The following OTOGL variants were observed in gnomAD, a reference collection of about 807,000 sequenced individuals.
OTOGL encodes otogelin-like protein.
OTOGL carries 285 observed loss-of-function variants against 318.5 expected under a neutral mutation model. That is an observed-to-expected ratio of 0.89 (90% CI 0.81 to 0.99). The LOEUF (loss-of-function observed/expected upper bound fraction) is 0.99. Among genes scored for constraint, OTOGL ranks in the 50% least tolerant of loss-of-function variants. OTOGL has a pLI of 0.00. For synonymous variants in OTOGL, 987 were observed against 936.5 expected, an observed-to-expected ratio of 1.05 and a Z score of -0.99; for missense variants, 2,899 against 2,845.6, an observed-to-expected ratio of 1.02 and a Z score of -0.43.
intron 52 of OTOGL, 63 bp from the exon 53 acceptor site, chr12:80,366,511 T>TTA (rs35874282): frequency 1.3e-3 from 231 of 176,260 alleles, no homozygotes; most frequent in South Asian, 4.5e-3. Context: ...TATATATAGG[T>TTA]TATATATATA....
At chr12:80,335,743 G>A (rs759141861) in intron 38 of OTOGL, among the ~76,000 whole-genome samples, 26 of 152,146 alleles carry the variant, frequency 1.7e-4, no homozygotes, top group Non-Finnish European at 3.2e-4. Context: ...GCAATCTAAT[G>A]TCCAATCAAT....
At chr12:80,334,796 G>T (rs902896671) in intron 38 of OTOGL, among the ~76,000 whole-genome samples, 1 of 152,138 alleles carries the variant, frequency 6.6e-6, no homozygotes, top group Non-Finnish European at 1.5e-5. Flanking sequence ...AAGAGTTTCA[G>T]TAGAGTGGTA....
At chr12:80,274,953 A>C (rs1486661653) in intron 24 of OTOGL, among the ~76,000 whole-genome samples, 1 of 152,020 alleles carries the variant, frequency 6.6e-6, no homozygotes, top group Non-Finnish European at 1.5e-5. Flanking sequence ...TCCTTTTAAA[A>C]TATTACTACC....
intron 9 of OTOGL, among the ~76,000 whole-genome samples, chr12:80,234,418 G>A (rs556124256): frequency 6.6e-6 from 1 of 152,240 alleles, no homozygotes; most frequent in South Asian, 2.1e-4. Flanking sequence ...GAGATGATTT[G>A]CCCCTATGTT....
chr12:80,291,954 C>G (rs7961350), intron 26 of OTOGL, among the ~76,000 whole-genome samples: 4,942 of 152,044 alleles, frequency 0.033, 268 homozygotes, highest in African/African-American at 0.11. Context: ...GAAATATTTT[C>G]TTTTCTTTTT....
chr12:80,146,595 C>G (rs901843827), intron 1 of OTOGL, among the ~76,000 whole-genome samples: 14 of 151,804 alleles, frequency 9.2e-5, no homozygotes, highest in Non-Finnish European at 1.5e-4. Context: ...GGAGGATTCC[C>G]TCTTTTTCTA....
chr12:80,173,757 G>A (rs183816250), intron 1 of OTOGL, among the ~76,000 whole-genome samples: 30 of 152,176 alleles, frequency 2.0e-4, no homozygotes. Context: ...GTTTCACAAG[G>A]GTACCCTTAA....
intron 27 of OTOGL, among the ~76,000 whole-genome samples, chr12:80,299,424 C>A (rs1473997320): frequency 2.0e-5 from 3 of 152,078 alleles, no homozygotes; most frequent in Non-Finnish European, 4.4e-5. Context: ...CTTTCGACTT[C>A]CAATTTTCAC....
chr12:80,275,810 G>T (rs1883759060), intron 24 of OTOGL, among the ~76,000 whole-genome samples: 1 of 151,550 alleles, frequency 6.6e-6, no homozygotes. Context: ...AAAGATTATG[G>T]CTCCTTGAAG....
chr12:80,262,045 C>G lies in OTOGL; in HGVS notation c.1966C>G (p.Pro656Ala), dbSNP rs1326648130. The change falls in exon 19 of 59, where the codon CCT becomes GCT. Residue 656 changes from proline (P) to alanine (A), a missense_variant. Physicochemically the swap from Pro to Ala is conservative, Grantham distance 27. Coordinates refer to ENST00000547103, the MANE Select transcript of OTOGL (RefSeq NM_001378609.3). ...AWRVSSTCFA[P>A]VHVPVVDPCN... ...GAGAGTTTCTTCTACCTGTTTTGCA[C>G]CTGTTCATGTCCCAGTGGTGGACCC... 6.2e-7 allele frequency: 1 copy of G among 1,612,908 alleles called. No individual in the cohort carries two copies. The highest frequency in any genetic ancestry group is 8.5e-7 in the Non-Finnish European group (1 of 1,179,308).
At chr12:80,199,997 T>G (rs1223680805) in intron 1 of OTOGL, among the ~76,000 whole-genome samples, 1 of 152,198 alleles carries the variant, frequency 6.6e-6, no homozygotes, top group African/African-American at 2.4e-5. Context: ...GTTCCAATCC[T>G]TCCCACTGAG....
rs1290126061 is a variant in OTOGL, at chr12:80,108,953, T to TAC, written c.-20+9358_-20+9359dup. The stretch of plus-strand genomic sequence containing the variant: ...ATGTGTGTGTATATATATATATATA[T>TAC]ACACACACACATATATAATTTACGG... On this transcript the variant is annotated intron_variant, in intron 1 of 58. Transcript: ENST00000547103. Among the ~76,000 whole-genome samples the TAC allele has an allele frequency of 3.2e-3, 452 of 142,740 alleles. 12 individuals are homozygous for TAC. Among genetic ancestry groups the TAC allele is most frequent in the African/African-American group, 0.011 (433 of 38,252 alleles). 93.6% of individuals were successfully genotyped at this position (142,740 alleles called of 152,430 possible). A position where few individuals can be genotyped will look rare whatever the true frequency, so the allele number is the denominator to read the frequency against.
intron 1 of OTOGL, among the ~76,000 whole-genome samples, chr12:80,115,173 A>C (rs1781373748): frequency 2.6e-5 from 4 of 151,864 alleles, no homozygotes; most frequent in Admixed American, 2.6e-4. Flanking sequence ...GAGAAGAGGC[A>C]TTCTGGTTTT....
intron 1 of OTOGL, among the ~76,000 whole-genome samples, chr12:80,124,512 G>A (rs557927117): frequency 1.8e-4 from 27 of 152,260 alleles, no homozygotes; most frequent in African/African-American, 6.5e-4. Context: ...GATTGACTTG[G>A]TGATGTGGGC....
At chr12:80,217,566 C>T (rs1439099368) in intron 4 of OTOGL, 32 bp from the exon 5 acceptor site, 15 of 1,380,748 alleles carry the variant, frequency 1.1e-5, no homozygotes, top group Non-Finnish European at 1.4e-5. Flanking sequence ...AATAATTTAA[C>T]TGTATTGCAT....
rs1565887073 is a variant in OTOGL, at chr12:80,171,244, T to A, written c.-19-38169T>A. On this transcript the variant is annotated intron_variant, in intron 1 of 58. Transcript: ENST00000547103. ...ATGCACCACCATGCCCATCTAAATT[T>A]TTTTTTGTATTTTTTTGTAGAGATG... Among the ~76,000 whole-genome samples, 3 of 151,964 alleles carry A rather than the reference T, an allele frequency of 2.0e-5. No homozygotes were observed. The East Asian group carries it at 5.8e-4, about 29-fold the overall frequency.
intron 4 of OTOGL, among the ~76,000 whole-genome samples, chr12:80,216,924 G>A (rs1877781896): frequency 6.6e-6 from 1 of 151,884 alleles, no homozygotes; most frequent in South Asian, 2.1e-4. Context: ...TTGTGCACAT[G>A]TACCCTAAAA....
At chr12:80,142,158 C>T (rs1399645650) in intron 1 of OTOGL, among the ~76,000 whole-genome samples, 1 of 152,058 alleles carries the variant, frequency 6.6e-6, no homozygotes, top group Non-Finnish European at 1.5e-5. Flanking sequence ...TCAGCATTGT[C>T]CAATAAAAAC....
intron 18 of OTOGL, among the ~76,000 whole-genome samples, chr12:80,259,354 A>G (rs980834115): frequency 1.3e-5 from 2 of 151,500 alleles, no homozygotes; most frequent in African/African-American, 4.8e-5. Context: ...AAAACATTTT[A>G]TTTAATTTAT....
Sources: gnomAD v4.1 joint callset for allele counts (sites outside exome capture counted in the v4.1 genomes callset) on GRCh38, gnomAD v4.1.1 for gene constraint, MANE v1.5 for transcripts, NCBI Gene and HGNC (gene_info 2026-07-23, HGNC 2026-07-21) for gene names.